Variants in CNTN5 observed in about 807,000 individuals in gnomAD.
CNTN5 encodes the protein contactin 5.
Under a neutral mutation model 129.1 loss-of-function variants are expected in CNTN5, and 77 were observed. That is an observed-to-expected ratio of 0.60 (90% CI 0.50 to 0.72). The LOEUF (loss-of-function observed/expected upper bound fraction) is 0.72. Among genes scored for constraint, CNTN5 ranks in the 30% least tolerant of loss-of-function variants. The probability of loss-of-function intolerance (pLI) is 0.00; values close to 1 mark genes in which losing one functional copy is unlikely to be tolerated. For synonymous variants in CNTN5, 509 were observed against 465.6 expected (o/e 1.09, Z -1.20); for missense variants, 1,478 against 1,328.8 (o/e 1.11, Z -1.75).
chr11:100,286,012 C>G (rs1025255974), intron 18 of CNTN5, among the ~76,000 whole-genome samples: 1 of 152,206 alleles, frequency 6.6e-6, no homozygotes, highest in African/African-American at 2.4e-5. Context: ...CCTGGAAAAT[C>G]GGGTCACTCC....
intron 3 of CNTN5, among the ~76,000 whole-genome samples, chr11:99,775,773 GAA>G (rs888309322): frequency 2.0e-5 from 3 of 150,284 alleles, no homozygotes; most frequent in African/African-American, 7.3e-5. Context: ...TATTTTAAGT[GAA>G]GTTTCCACTT....
chr11:100,205,365 A>G (rs1279008496), intron 15 of CNTN5, among the ~76,000 whole-genome samples: 1 of 152,082 alleles, frequency 6.6e-6, no homozygotes, highest in Non-Finnish European at 1.5e-5. Flanking sequence ...AATCAGCTTT[A>G]GGAGTCTAGA....
At chr11:99,542,261 T>C (rs1019813935) in intron 2 of CNTN5, among the ~76,000 whole-genome samples, 1 of 152,124 alleles carries the variant, frequency 6.6e-6, no homozygotes, top group African/African-American at 2.4e-5. Flanking sequence ...ACACTGTAAC[T>C]TTTTCTTCAT....
chr11:99,724,585 G>C (rs150899772), intron 3 of CNTN5, among the ~76,000 whole-genome samples: 1 of 152,116 alleles, frequency 6.6e-6, no homozygotes, highest in Non-Finnish European at 1.5e-5. Context: ...ATGAGAAAGC[G>C]AAGAACAGAA....
At chr11:99,695,552 A>G (rs1954232076) in intron 3 of CNTN5, among the ~76,000 whole-genome samples, 1 of 151,990 alleles carries the variant, frequency 6.6e-6, no homozygotes, top group South Asian at 2.1e-4. Context: ...TATCTTATAG[A>G]AATCCATTAG....
rs151257778 is a variant in CNTN5, at chr11:99,830,613, A to G, written c.277+10848A>G. Among the ~76,000 whole-genome samples the G allele has an allele frequency of 3.2e-3, 480 of 152,234 alleles. 5 individuals are homozygous for G. The highest frequency in any genetic ancestry group is 0.011 in the African/African-American group (463 of 41,554). On this transcript the variant is annotated intron_variant, in intron 4 of 24. Transcript: ENST00000524871. ...GAGGGGGAAATTGTATTTTATTTGGATGACACACTTCTAAATAAAATACAT... is the reference window on the plus strand; with the variant it reads ...GAGGGGGAAATTGTATTTTATTTGGGTGACACACTTCTAAATAAAATACAT...
intron 13 of CNTN5, among the ~76,000 whole-genome samples, chr11:100,131,339 T>C (rs192889535): frequency 2.0e-5 from 3 of 152,096 alleles, no homozygotes; most frequent in African/African-American, 7.2e-5. Flanking sequence ...TTGATATGGA[T>C]TTGATATGGA....
chr11:100,258,889 G>A (rs2212448), intron 17 of CNTN5, among the ~76,000 whole-genome samples: 66,663 of 151,882 alleles, frequency 0.44, 15,719 homozygotes, highest in African/African-American at 0.62. Context: ...TGCATCAACT[G>A]ACAGGCAAAA....
rs148727887 is a variant in CNTN5, at chr11:100,213,565, T to C, written c.1885-11127T>C. Among the ~76,000 whole-genome samples, 388 of 152,328 alleles carry C rather than the reference T, an allele frequency of 2.5e-3. 2 individuals are homozygous for C. Among genetic ancestry groups the C allele is most frequent in the African/African-American group, 9.0e-3 (374 of 41,588 alleles). ...GACTTGTTATTTAAAATGAGTTTTC[T>C]GTGGCTGTGTCTTGACTCACTTTCA... is the stretch of plus-strand genomic sequence containing the variant. On this transcript the variant is annotated intron_variant, in intron 15 of 24. Transcript: ENST00000524871.
intron 7 of CNTN5, among the ~76,000 whole-genome samples, chr11:99,941,780 T>A (rs1447016544): frequency 6.6e-6 from 1 of 151,976 alleles, no homozygotes; most frequent in Admixed American, 6.6e-5. Flanking sequence ...GTGTCCTAAG[T>A]TGGAAACTAA....
chr11:99,920,162 T>C (rs1949901069), intron 7 of CNTN5, among the ~76,000 whole-genome samples: 1 of 152,162 alleles, frequency 6.6e-6, no homozygotes, highest in African/African-American at 2.4e-5. Flanking sequence ...TCAGTTCTCA[T>C]GTGGGTTATT....
At chr11:99,802,102 G>A (rs899896093) in intron 3 of CNTN5, among the ~76,000 whole-genome samples, 1 of 152,114 alleles carries the variant, frequency 6.6e-6, no homozygotes, top group Non-Finnish European at 1.5e-5. Context: ...TCCACCCAGG[G>A]TGTATGACTG....
intron 1 of CNTN5, among the ~76,000 whole-genome samples, chr11:99,274,184 G>A (rs766270541): frequency 6.6e-6 from 1 of 151,476 alleles, no homozygotes; most frequent in Non-Finnish European, 1.5e-5. Context: ...TTATACCTGG[G>A]GCTTAATAGT....
At chr11:99,838,270 C>G (rs578054351) in intron 4 of CNTN5, among the ~76,000 whole-genome samples, 1 of 152,124 alleles carries the variant, frequency 6.6e-6, no homozygotes, top group East Asian at 1.9e-4. Flanking sequence ...TGAAATGAAT[C>G]GTTCTTCTTC....
intron 1 of CNTN5, among the ~76,000 whole-genome samples, chr11:99,109,473 A>T (rs1857682541): frequency 6.6e-6 from 1 of 152,044 alleles, no homozygotes; most frequent in South Asian, 2.1e-4. Context: ...TACGTAAGGG[A>T]CTTTCCAAGG....
intron 1 of CNTN5, among the ~76,000 whole-genome samples, chr11:99,144,749 T>G (rs1157421037): frequency 6.6e-6 from 1 of 152,190 alleles, no homozygotes; most frequent in Non-Finnish European, 1.5e-5. Flanking sequence ...GAATTTTTAA[T>G]TTCCAGTATG....
Position 99,275,016 on chromosome 11 carries a change from T to C in CNTN5, c.-209-50330T>C, listed in dbSNP as rs1282143555. 7.9e-5 allele frequency among the ~76,000 whole-genome samples: 12 copies of C among 151,618 alleles called. No individual in the cohort carries two copies. The South Asian group carries it at 1.5e-3, about 18-fold the overall frequency. ...TAATGCAAGTATCCAGGGTTTTATA[T>C]ATTTCTGTATTTAAGACATAACTTG... On this transcript the variant is annotated intron_variant, in intron 1 of 24. Transcript: ENST00000524871.
chr11:99,846,474 T>C (rs982506872), intron 6 of CNTN5, among the ~76,000 whole-genome samples: 1 of 151,790 alleles, frequency 6.6e-6, no homozygotes. Flanking sequence ...AAAAATAGGC[T>C]AATAGGTAAA....
At chr11:99,523,250 C>T (rs1166060451) in intron 2 of CNTN5, among the ~76,000 whole-genome samples, 3 of 152,162 alleles carry the variant, frequency 2.0e-5, no homozygotes, top group African/African-American at 7.2e-5. Context: ...TTGCTCTTAT[C>T]ACACTGTATT....
Sources: allele counts gnomAD v4.1 joint callset (sites outside exome capture counted in the v4.1 genomes callset), GRCh38; gene constraint gnomAD v4.1.1; transcripts MANE v1.5; gene names NCBI Gene and HGNC (gene_info 2026-07-23, HGNC 2026-07-21).